Variants in TRPM3 observed in about 807,000 individuals in gnomAD.
The protein encoded by TRPM3 is transient receptor potential cation channel subfamily M member 3.
In TRPM3, 77 loss-of-function variants were observed where a neutral mutation model predicts 181.2. The observed-to-expected ratio is 0.42, with a 90% CI of 0.35 to 0.51. The LOEUF (loss-of-function observed/expected upper bound fraction) is 0.51, where lower values mean the gene tolerates loss of function less well. TRPM3 is among the 20% of genes least tolerant of loss of function. The pLI is 0.01. For synonymous variants in TRPM3, 745 were observed against 796.4 expected, an observed-to-expected ratio of 0.94 and a Z score of 1.09; for missense variants, 1,759 against 2,196.7, an observed-to-expected ratio of 0.80 and a Z score of 3.98.
chr9:70,570,096 C>T (rs577634588), intron 22 of TRPM3, among the ~76,000 whole-genome samples: 6 of 152,044 alleles, frequency 3.9e-5, no homozygotes, highest in South Asian at 2.1e-4. Flanking sequence ...TCAAGATTGG[C>T]GTTGCTTTAG....
chr9:70,545,706 C>A (rs745972037), intron 25 of TRPM3, among the ~76,000 whole-genome samples: 4 of 151,908 alleles, frequency 2.6e-5, no homozygotes, highest in Non-Finnish European at 5.9e-5. Flanking sequence ...TGCCACCATG[C>A]CTGACTAATT....
intron 1 of TRPM3, among the ~76,000 whole-genome samples, chr9:71,145,645 A>G: frequency 6.6e-6 from 1 of 152,244 alleles, no homozygotes; most frequent in South Asian, 2.1e-4. Context: ...TCTGTGCAAT[A>G]AAAAAGGAAA....
intron 1 of TRPM3, among the ~76,000 whole-genome samples, chr9:71,327,790 G>T (rs1271460062): frequency 2.0e-5 from 3 of 152,084 alleles, no homozygotes; most frequent in Admixed American, 6.6e-5. Context: ...TTCCTGAGAG[G>T]TTCTATCAAC....
intron 1 of TRPM3, among the ~76,000 whole-genome samples, chr9:71,131,504 T>C (rs1213999278): frequency 1.3e-5 from 2 of 152,196 alleles, no homozygotes; most frequent in African/African-American, 4.8e-5. Context: ...TGGAACATAA[T>C]GGAAACTCAA....
intron 3 of TRPM3, among the ~76,000 whole-genome samples, chr9:70,853,793 G>T (rs1406632315): frequency 6.6e-6 from 1 of 152,130 alleles, no homozygotes; most frequent in African/African-American, 2.4e-5. Context: ...CTTCTCTTGA[G>T]AATAAAAGAT....
At chr9:70,539,928 G>T (rs2042839279) in intron 25 of TRPM3, among the ~76,000 whole-genome samples, 1 of 152,132 alleles carries the variant, frequency 6.6e-6, no homozygotes, top group Admixed American at 6.5e-5. Context: ...TTAACCTCCT[G>T]GGCACAAGTG....
chr9:71,397,490 G>A (rs2093229155), intron 1 of TRPM3, among the ~76,000 whole-genome samples: 1 of 152,118 alleles, frequency 6.6e-6, no homozygotes, highest in Non-Finnish European at 1.5e-5. Context: ...ACATCACAGT[G>A]ACTTAAAGTG....
At chr9:71,294,759 A>T (rs948477667) in intron 1 of TRPM3, among the ~76,000 whole-genome samples, 4 of 152,202 alleles carry the variant, frequency 2.6e-5, no homozygotes, top group African/African-American at 9.6e-5. Context: ...ACAGAGCATT[A>T]AATTGTGATT....
chr9:71,427,643 G>T (rs993685794), intron 1 of TRPM3, among the ~76,000 whole-genome samples: 1 of 152,198 alleles, frequency 6.6e-6, no homozygotes, highest in Non-Finnish European at 1.5e-5. Context: ...ATTATCGTAT[G>T]CAAACTAACA....
In TRPM3 at chr9:70,625,462, A is replaced by T. The variant is rs963878524; in HGVS notation, c.1668+20T>A. On this transcript the variant is annotated intron_variant, in intron 13 of 25. Coordinates refer to ENST00000677713, the MANE Select transcript of TRPM3 (RefSeq NM_001366145.2). This position sits in a 1 kb window ranked among gnomAD's most constrained non-coding sequence, Gnocchi z 4.8. ...AAAAGAAACATATGAATGTATTATT[A>T]TGCTGGTTAATTAATTCACCTTAAA... The T allele has an allele frequency of 3.7e-6, 6 of 1,607,320 alleles. No individual in the cohort carries two copies. In the African/African-American group the frequency reaches 8.1e-5, roughly 22 times the overall value.
chr9:71,268,641 A>C (rs181271079), intron 1 of TRPM3, among the ~76,000 whole-genome samples: 1 of 152,052 alleles, frequency 6.6e-6, no homozygotes, highest in African/African-American at 2.4e-5. Context: ...CCTTGCCAAC[A>C]TGGTGAAACC....
rs558319555 is a variant in TRPM3 at position 71,403,934 on chromosome 9, TTAAGAA to T, written c.183+42713_183+42718del. Among the ~76,000 whole-genome samples the T allele has an allele frequency of 1.1e-4, 17 of 152,276 alleles. No homozygotes were observed. In the South Asian group the frequency reaches 3.1e-3, roughly 28 times the overall value. ...CAAGTTGGTGCTTTCTAATGATCAA[TTAAGAA>T]TATTTCTCTTTCCAAAATCCTAAAA... On this transcript the variant is annotated intron_variant, in intron 1 of 24. Transcript: ENST00000357533.
intron 1 of TRPM3, among the ~76,000 whole-genome samples, chr9:71,100,880 C>A (rs1591417835): frequency 6.6e-6 from 1 of 152,090 alleles, no homozygotes; most frequent in Admixed American, 6.6e-5. Context: ...AGCTTAGAGT[C>A]GTAACACAAA....
chr9:70,844,245 G>C (rs1472223129), intron 4 of TRPM3, among the ~76,000 whole-genome samples: 1 of 152,098 alleles, frequency 6.6e-6, no homozygotes, highest in African/African-American at 2.4e-5. Context: ...GAAAAGACAT[G>C]TGTATTTAAG....
chr9:70,842,676 G>A (rs1455153110), intron 5 of TRPM3, among the ~76,000 whole-genome samples: 1 of 152,064 alleles, frequency 6.6e-6, no homozygotes, highest in African/African-American at 2.4e-5. Context: ...ATATTAAGTG[G>A]TGTTAATTAA....
At chr9:71,304,591 T>G (rs574945440) in intron 1 of TRPM3, among the ~76,000 whole-genome samples, 4 of 152,228 alleles carry the variant, frequency 2.6e-5, no homozygotes, top group Non-Finnish European at 5.9e-5. Context: ...TGAATTATTC[T>G]CAAATCTCTG....
chr9:70,884,868 C>G (rs1292412679), intron 1 of TRPM3, among the ~76,000 whole-genome samples: 2 of 152,180 alleles, frequency 1.3e-5, no homozygotes, highest in African/African-American at 4.8e-5. Flanking sequence ...AAAATGCATA[C>G]TCTGGTCCCT....
intron 1 of TRPM3, among the ~76,000 whole-genome samples, chr9:71,369,635 GC>G (rs2092448333): frequency 6.6e-6 from 1 of 152,158 alleles, no homozygotes; most frequent in Admixed American, 6.5e-5. Context: ...GCCCACCTTG[GC>G]CTCCCAAAGT....
rs552447648 is a variant in TRPM3, at chr9:70,664,441, T to C, written c.1345+17065A>G. Among the ~76,000 whole-genome samples, 318 of 152,268 alleles carry C rather than the reference T, an allele frequency of 2.1e-3. 1 individual carries two copies. The highest frequency in any genetic ancestry group is 7.3e-3 in the African/African-American group (305 of 41,576). Reference sequence around the variant, plus strand: ...GAGTTTAAGCTTGTAAAGGCTAAGATATAAACAAGAGGATGTAAATTTATT... The same window carrying C: ...GAGTTTAAGCTTGTAAAGGCTAAGACATAAACAAGAGGATGTAAATTTATT... On this transcript the variant is annotated intron_variant, in intron 9 of 25. Coordinates refer to ENST00000677713, the MANE Select transcript of TRPM3 (RefSeq NM_001366145.2).
Sources: allele counts gnomAD v4.1 joint callset (sites outside exome capture counted in the v4.1 genomes callset), GRCh38; gene constraint gnomAD v4.1.1; non-coding constraint Gnocchi (gnomAD v3.1); transcripts MANE v1.5; gene names NCBI Gene and HGNC (gene_info 2026-07-23, HGNC 2026-07-21).